Variants in KLF1 observed in about 807,000 individuals in gnomAD.
The protein encoded by KLF1 is Krueppel-like factor 1.
A neutral mutation model predicts 28.0 loss-of-function variants in KLF1; 29 were observed. The ratio of observed to expected loss-of-function variants is 1.04; its 90% CI spans 0.77 to 1.41. The LOEUF (loss-of-function observed/expected upper bound fraction) is 1.41. KLF1 is among the 40% of genes most tolerant of loss of function. KLF1 has a pLI of 0.00. For missense variants in KLF1, 508 were observed against 515.1 expected, an observed-to-expected ratio of 0.99 and a Z score of 0.13; for synonymous variants, 262 against 242.6, an observed-to-expected ratio of 1.08 and a Z score of -0.74.
Position 12,885,924 on chromosome 19 carries a change from G to T in KLF1, c.306C>A (p.Ser102=), listed in dbSNP as rs747170059. Residue 102 remains serine, a synonymous_variant, in exon 2 of 3, where the codon TCC becomes TCA. Transcript: ENST00000264834. The surrounding 1 kb of genome is among the most constrained non-coding windows in gnomAD (Gnocchi z 5.6). ...CGGGCGGCGGCGGATATTGCGCCCC[G>T]GAGGCCTCGCTGGGCGCCAGAGCGC... The part of the protein sequence containing the change: ...QTCALAPSEA[S]GAQYPPPPET... 1 of 1,553,166 alleles carries T rather than the reference G, an allele frequency of 6.4e-7. No homozygotes were observed. The highest frequency in any genetic ancestry group is 8.7e-7 in the Non-Finnish European group (1 of 1,148,526).
rs936394530 is a variant in KLF1 at position 12,885,717 on chromosome 19, C to G, written c.513G>C (p.Pro171=). Residue 171 remains proline (P), a synonymous_variant, in exon 2 of 3, where the codon CCG becomes CCC. Coordinates refer to ENST00000264834, the MANE Select transcript of KLF1 (RefSeq NM_006563.5). The surrounding 1 kb of genome is among the most constrained non-coding windows in gnomAD (Gnocchi z 5.6). ...CACCCGAGGAGCCGGCGCCGGGCCC[C>G]GGGTACACCGGTTGCAGCGCCAGCG... The part of the protein sequence containing the change: ...PKALALQPVY[P]GPGAGSSGGY... 4 of 1,514,376 alleles carry G rather than the reference C, an allele frequency of 2.6e-6. No individual in the cohort carries two copies. The highest frequency in any genetic ancestry group is 3.5e-6 in the Non-Finnish European group (4 of 1,132,034). 93.8% of individuals were successfully genotyped at this position (1,514,376 alleles called of 1,614,324 possible).
rs1048221764 is a variant in KLF1, at chr19:12,885,776, C to T, written c.454G>A (p.Ala152Thr). ...ARAPDAFVGP[A>T]LAPAPAPEPK... ...TCGGGGGCCGGGGCTGGAGCCAGGG[C>T]TGGGCCCACGAAGGCGTCGGGAGCC... Residue 152 changes from alanine to threonine, a missense_variant, in exon 2 of 3, where the codon GCC becomes ACC. By Grantham distance (58) the Ala-to-Thr change is moderately conservative. Coordinates refer to ENST00000264834, the MANE Select transcript of KLF1 (RefSeq NM_006563.5). This position sits in a 1 kb window ranked among gnomAD's most constrained non-coding sequence, Gnocchi z 5.6. 3.2e-6 allele frequency: 5 copies of T among 1,539,106 alleles called. No homozygotes were observed. Among genetic ancestry groups the T allele is most frequent in the Non-Finnish European group, 4.4e-6 (5 of 1,143,276 alleles).
In KLF1 at chr19:12,885,240, C is replaced by T; in HGVS notation, c.913+77G>A. 1 of 1,412,492 alleles carries T rather than the reference C, an allele frequency of 7.1e-7. No homozygotes were observed. The highest frequency in any genetic ancestry group is 9.7e-7 in the Non-Finnish European group (1 of 1,034,308). The allele number at this position is 1,412,492 out of a possible 1,614,324, so 87.5% of individuals were successfully genotyped here. ...AGAGGCCAGCCAAGTCCAAGTCCCG[C>T]CCTCTGCAACCCTTCTTCCCCTGTA... is the stretch of plus-strand genomic sequence containing the variant. On this transcript the variant is annotated intron_variant, in intron 2 of 2. Transcript: ENST00000264834. The surrounding 1 kb of genome is among the most constrained non-coding windows in gnomAD (Gnocchi z 5.6).
rs1970413325 is a variant in KLF1, at chr19:12,884,438, A to G, written c.*447T>C. The G allele has an allele frequency of 5.9e-6, 1 of 169,136 alleles. No homozygotes were observed. Among genetic ancestry groups the G allele is most frequent in the Non-Finnish European group, 1.3e-5 (1 of 77,124 alleles). The allele number at this position is 169,136 out of a possible 1,614,324, so 10.5% of individuals were successfully genotyped here. On this transcript the variant is annotated 3_prime_UTR_variant, in exon 3 of 3. Coordinates refer to ENST00000264834, the MANE Select transcript of KLF1 (RefSeq NM_006563.5). ...CGCTGAAGCTTTATCTGGGAGGGGC[A>G]TTTTTATAGGACCCATAACCATTGA...
At chr19:12,886,891 C>T (rs1970455240) in intron 1 of KLF1, among the ~76,000 whole-genome samples, 163 bp downstream of exon 1, 1 of 152,172 alleles carries the variant, frequency 6.6e-6, no homozygotes, top group Non-Finnish European at 1.5e-5. Context: ...CCCTCCTCAC[C>T]CCCTGCCAGA....
chr19:12,886,279 A>G (rs1022278046), intron 1 of KLF1, 137 bp from the exon 2 acceptor site: 31 of 634,930 alleles, frequency 4.9e-5, no homozygotes, highest in Non-Finnish European at 8.1e-5. Flanking sequence ...CACTTCCCCA[A>G]CACTGCCCCT....
Position 12,887,111 on chromosome 19 carries a change from G to A in KLF1, c.30C>T (p.Ser10=). Reference sequence around the variant, plus strand: ...GGCCCAGGGCGGTCAGTGTGCTGATGGAGGGCAAGGCGGTCTCGGCTGTGG... The same window carrying A: ...GGCCCAGGGCGGTCAGTGTGCTGATAGAGGGCAAGGCGGTCTCGGCTGTGG... MATAETALP[S]ISTLTALGPF... Residue 10 remains serine (S), a synonymous_variant, in exon 1 of 3, where the codon TCC becomes TCT. Coordinates refer to ENST00000264834, the MANE Select transcript of KLF1 (RefSeq NM_006563.5). This position sits in a 1 kb window ranked among gnomAD's most constrained non-coding sequence, Gnocchi z 4.7. 6.2e-7 allele frequency: 1 copy of A among 1,614,126 alleles called. No individual in the cohort carries two copies. The highest frequency in any genetic ancestry group is 8.5e-7 in the Non-Finnish European group (1 of 1,180,012).
rs1234114718 is a variant in KLF1, at chr19:12,886,089, C to T, written c.141G>A (p.Thr47=). ...QDMGPGPPDP[T]EPPLHVKSED... ...CAGACTTCACGTGGAGGGGCGGCTCCGTGGGGTCAGGAGGACCCGGGCCCA... is the reference window on the plus strand; with the variant it reads ...CAGACTTCACGTGGAGGGGCGGCTCTGTGGGGTCAGGAGGACCCGGGCCCA... The change falls in exon 2 of 3, where the codon ACG becomes ACA. Residue 47 remains threonine (T), a synonymous_variant. Transcript: ENST00000264834. The T allele has an allele frequency of 6.2e-7, 1 of 1,608,294 alleles. No individual in the cohort carries two copies. Among genetic ancestry groups the T allele is most frequent in the Non-Finnish European group, 8.5e-7 (1 of 1,178,828 alleles).
At position 12,886,111 on chromosome 19, in the gene KLF1, C is replaced by A. The variant is rs1203447246; in HGVS notation, c.119G>T (p.Gly40Val). The A allele has an allele frequency of 6.2e-7, 1 of 1,605,152 alleles. No homozygotes were observed. Among genetic ancestry groups the A allele is most frequent in the Admixed American group, 1.7e-5 (1 of 59,782 alleles). Residue 40 changes from glycine (G) to valine (V), a missense_variant, in exon 2 of 3, where the codon GGC becomes GTC. Transcript: ENST00000264834. ...WWRSEEAQDM[G>V]PGPPDPTEPP... is the part of the protein sequence containing the mutation. ...CTCCGTGGGGTCAGGAGGACCCGGG[C>A]CCATGTCCTGCGCCTCTTCGGAGCG...
chr19:12,886,095 G>T lies in KLF1; in HGVS notation c.135C>A (p.Asp45Glu). 2 of 1,607,456 alleles carry T rather than the reference G, an allele frequency of 1.2e-6. No homozygotes were observed. The highest frequency in any genetic ancestry group is 8.5e-7 in the Non-Finnish European group (1 of 1,178,646). ...EAQDMGPGPP[D>E]PTEPPLHVKS... is the part of the protein sequence containing the mutation. ...TCACGTGGAGGGGCGGCTCCGTGGG[G>T]TCAGGAGGACCCGGGCCCATGTCCT... The change falls in exon 2 of 3, where the codon GAC (aspartate) becomes GAA (glutamate). Residue 45 changes from aspartate to glutamate, a missense_variant. Coordinates refer to ENST00000264834, the MANE Select transcript of KLF1 (RefSeq NM_006563.5).
Position 12,885,233 on chromosome 19 carries a change from A to T in KLF1, c.913+84T>A. 2 of 1,395,986 alleles carry T rather than the reference A, an allele frequency of 1.4e-6. No individual in the cohort carries two copies. Among genetic ancestry groups the T allele is most frequent in the Non-Finnish European group, 9.8e-7 (1 of 1,021,246 alleles). 86.5% of individuals were successfully genotyped at this position (1,395,986 alleles called of 1,614,324 possible). ...CACTCTCAGAGGCCAGCCAAGTCCA[A>T]GTCCCGCCCTCTGCAACCCTTCTTC... On this transcript the variant is annotated intron_variant, in intron 2 of 2. Coordinates refer to ENST00000264834, the MANE Select transcript of KLF1 (RefSeq NM_006563.5). The surrounding 1 kb of genome is among the most constrained non-coding windows in gnomAD (Gnocchi z 5.6).
At chr19:12,886,205 C>G (rs1282591556) in intron 1 of KLF1, 63 bp from the exon 2 acceptor site, 1 of 1,272,140 alleles carries the variant, frequency 7.9e-7, no homozygotes. Context: ...CCAGGGACAT[C>G]GCGGGCTGGA....
Position 12,885,912 on chromosome 19 carries a change from A to C in KLF1, c.318T>G (p.Tyr106Ter), listed in dbSNP as rs956697155. ...LAPSEASGAQ[Y>*]PPPPETLGAY... The stretch of plus-strand genomic sequence containing the variant: ...CGCCCAGAGTCTCGGGCGGCGGCGG[A>C]TATTGCGCCCCGGAGGCCTCGCTGG... Residue 106 changes from tyrosine to a stop codon, truncating the protein, a stop_gained, in exon 2 of 3, where the codon TAT becomes TAG. Coordinates refer to ENST00000264834, the MANE Select transcript of KLF1 (RefSeq NM_006563.5). LOFTEE classifies it high-confidence loss of function. The surrounding 1 kb of genome is among the most constrained non-coding windows in gnomAD (Gnocchi z 5.6). 1.9e-6 allele frequency: 3 copies of C among 1,551,834 alleles called. No individual in the cohort carries two copies. Among genetic ancestry groups the C allele is most frequent in the Non-Finnish European group, 2.6e-6 (3 of 1,147,818 alleles).
chr19:12,884,956 G>T lies in KLF1; in HGVS notation c.1018C>A (p.Arg340Ser). The change falls in exon 3 of 3, where the codon CGC becomes AGC. Residue 340 changes from arginine to serine, a missense_variant. Arg to Ser is a moderately radical substitution (Grantham distance 110). Transcript: ENST00000264834. ...YRKHTGQRPF[R>S]CQLCPRAFSR... The stretch of plus-strand genomic sequence containing the variant: ...AAAGCACGTGGGCAGAGCTGGCAGC[G>T]GAAGGGGCGCTGCCCCGTGTGTTTC... The T allele has an allele frequency of 6.2e-7, 1 of 1,613,788 alleles. No homozygotes were observed. Among genetic ancestry groups the T allele is most frequent in the Non-Finnish European group, 8.5e-7 (1 of 1,180,034 alleles).
rs1970415836 is a variant in KLF1, at chr19:12,884,730, T to C, written c.*155A>G. ...GCTGTCTATGGGTCCGTGTTTGATA[T>C]TTGGGTGGATCTTTGGGAACGCGAG... On this transcript the variant is annotated 3_prime_UTR_variant, in exon 3 of 3. Coordinates refer to ENST00000264834, the MANE Select transcript of KLF1 (RefSeq NM_006563.5). 1 of 800,880 alleles carries C rather than the reference T, an allele frequency of 1.2e-6. No homozygotes were observed. The highest frequency in any genetic ancestry group is 2.0e-6 in the Non-Finnish European group (1 of 489,490). 49.6% of individuals were successfully genotyped at this position (800,880 alleles called of 1,614,324 possible).
chr19:12,886,985 A>C (rs988935419), intron 1 of KLF1, 69 bp downstream of exon 1: 1 of 1,476,624 alleles, frequency 6.8e-7, no homozygotes, highest in African/African-American at 1.4e-5. Flanking sequence ...GCAGGTCTGG[A>C]CCCCAAGATC....
rs758932358 is a variant in KLF1, at chr19:12,886,090, G to A, written c.140C>T (p.Thr47Met). 1.9e-6 allele frequency: 3 copies of A among 1,607,896 alleles called. No individual in the cohort carries two copies. The highest frequency in any genetic ancestry group is 2.5e-6 in the Non-Finnish European group (3 of 1,178,718). The stretch of plus-strand genomic sequence containing the variant: ...AGACTTCACGTGGAGGGGCGGCTCC[G>A]TGGGGTCAGGAGGACCCGGGCCCAT... ...QDMGPGPPDP[T>M]EPPLHVKSED... The change falls in exon 2 of 3, where the codon ACG becomes ATG. Residue 47 changes from threonine (T) to methionine (M), a missense_variant. Transcript: ENST00000264834.
chr19:12,885,769 G>C lies in KLF1; in HGVS notation c.461C>G (p.Ala154Gly). 6.5e-7 allele frequency: 1 copy of C among 1,533,010 alleles called. No homozygotes were observed. The highest frequency in any genetic ancestry group is 8.8e-7 in the Non-Finnish European group (1 of 1,140,996). 95.0% of individuals were successfully genotyped at this position (1,533,010 alleles called of 1,614,324 possible). The part of the protein sequence containing the change: ...APDAFVGPAL[A>G]PAPAPEPKAL... Reference sequence around the variant, plus strand: ...CTTGGGCTCGGGGGCCGGGGCTGGAGCCAGGGCTGGGCCCACGAAGGCGTC... The same window carrying C: ...CTTGGGCTCGGGGGCCGGGGCTGGACCCAGGGCTGGGCCCACGAAGGCGTC... Residue 154 changes from alanine (A) to glycine (G), a missense_variant, in exon 2 of 3, where the codon GCT becomes GGT. Ala to Gly is a moderately conservative substitution (Grantham distance 60, BLOSUM62 0). Transcript: ENST00000264834. The surrounding 1 kb of genome is among the most constrained non-coding windows in gnomAD (Gnocchi z 5.6).
intron 1 of KLF1, 90 bp from the exon 2 acceptor site, chr19:12,886,232 C>A: frequency 1.1e-6 from 1 of 934,808 alleles, no homozygotes; most frequent in South Asian, 1.6e-5. Context: ...GACGCAGAGG[C>A]TTTGGAAAGG....
Sources: gnomAD v4.1 joint callset for allele counts (sites outside exome capture counted in the v4.1 genomes callset) on GRCh38, gnomAD v4.1.1 for gene constraint, Gnocchi (gnomAD v3.1) non-coding constraint, MANE v1.5 for transcripts, NCBI Gene and HGNC (gene_info 2026-07-23, HGNC 2026-07-21) for gene names.